SEPTIN4: variants seen among roughly 807,000 people sequenced by gnomAD.
SEPTIN4 encodes septin-4.
In SEPTIN4, 52 loss-of-function variants were observed where a neutral mutation model predicts 107.1. That is an observed-to-expected ratio of 0.49 (90% CI 0.39 to 0.61). SEPTIN4 has a LOEUF of 0.61. Among genes scored for constraint, SEPTIN4 ranks in the 20% least tolerant of loss-of-function variants. The probability of loss-of-function intolerance (pLI) is 0.00; values close to 1 mark genes in which losing one functional copy is unlikely to be tolerated. For synonymous variants in SEPTIN4, 417 were observed against 467.0 expected (o/e 0.89, Z 1.38); for missense variants, 1,048 against 1,243.5 (o/e 0.84, Z 2.36).
intron 3 of SEPTIN4, chr17:58,532,247 C>A: frequency 3.2e-6 from 1 of 314,432 alleles, no homozygotes; most frequent in East Asian, 1.2e-4. Flanking sequence ...TCACCCAGGA[C>A]AGAGCGGGGA....
At position 58,526,317 on chromosome 17, in the gene SEPTIN4, G is replaced by A; in HGVS notation, c.1912-4C>T. On this transcript the variant is annotated splice_region_variant and splice_polypyrimidine_tract_variant and intron_variant, in intron 4 of 13. Coordinates refer to ENST00000672673, the MANE Select transcript of SEPTIN4 (RefSeq NM_001368771.2). ...AGCCCACATACTCCTTGTCATCCTAGTAGACAGGAAGGCAGAATGCATCAC... is the reference window on the plus strand; with the variant it reads ...AGCCCACATACTCCTTGTCATCCTAATAGACAGGAAGGCAGAATGCATCAC... 6.4e-7 allele frequency: 1 copy of A among 1,568,544 alleles called. No individual in the cohort carries two copies. The highest frequency in any genetic ancestry group is 8.6e-7 in the Non-Finnish European group (1 of 1,158,244).
Position 58,544,035 on chromosome 17 carries a change from C to T in SEPTIN4, c.152G>A (p.Arg51Gln), listed in dbSNP as rs775014932. The T allele has an allele frequency of 6.8e-6, 11 of 1,613,866 alleles. No homozygotes were observed. The highest frequency in any genetic ancestry group is 1.1e-5 in the South Asian group (1 of 91,066). Residue 51 changes from arginine to glutamine, a missense_variant, in exon 1 of 14, where the codon CGA becomes CAA. By Grantham distance (43) the Arg-to-Gln change is conservative. This residue lies in a region of SEPTIN4 where 787 missense variants were observed against 871.8 expected (regional missense o/e 0.90). Transcript: ENST00000672673. The part of the protein sequence containing the change: ...SAAVSLNPSH[R>Q]RSEAAHPTTP... Reference sequence around the variant, plus strand: ...GGTGGGATGTGCAGCTTCTGATCTTCGGTGGGAAGGGTTCAGGGAGACTGC... The same window carrying T: ...GGTGGGATGTGCAGCTTCTGATCTTTGGTGGGAAGGGTTCAGGGAGACTGC...
chr17:58,542,164 C>T (rs565236493), intron 1 of SEPTIN4, among the ~76,000 whole-genome samples, 198 bp from the exon 2 acceptor site: 1 of 152,254 alleles, frequency 6.6e-6, no homozygotes, highest in African/African-American at 2.4e-5. Flanking sequence ...TTTACACCCT[C>T]TCTCTGTGCC....
rs116789103 is a variant in SEPTIN4, at chr17:58,523,918, T to C, written c.2216+1160A>G. Among the ~76,000 whole-genome samples the C allele has an allele frequency of 9.6e-3, 1,468 of 152,230 alleles. 25 individuals are homozygous for C. The highest frequency in any genetic ancestry group is 0.033 in the African/African-American group (1,356 of 41,524). On this transcript the variant is annotated intron_variant, in intron 7 of 13. Coordinates refer to ENST00000672673, the MANE Select transcript of SEPTIN4 (RefSeq NM_001368771.2). The stretch of plus-strand genomic sequence containing the variant: ...TAAGGGCTGGTATATTTTAATTAAA[T>C]AAGTGTCTGACAAAATGAATATATA...
chr17:58,527,223 C>A, intron 3 of SEPTIN4: 6 of 742,874 alleles, frequency 8.1e-6, no homozygotes, highest in Admixed American at 5.5e-5. Context: ...GCCCTGGGCA[C>A]CCCCAGAGCC....
chr17:58,520,914 G>T, intron 12 of SEPTIN4, 72 bp from the exon 13 acceptor site: 1 of 1,612,262 alleles, frequency 6.2e-7, no homozygotes, highest in Non-Finnish European at 8.5e-7. Flanking sequence ...AGGGCCTATA[G>T]AAGAACAAAA....
At position 58,521,715 on chromosome 17, in the gene SEPTIN4, CCCACCA is replaced by C. The variant is rs1567950109; in HGVS notation, c.2469+15_2469+20del. Reference sequence around the variant, plus strand: ...TTTCTAGAAGCCCACCTGATCCCCTCCCACCACCAGCTTCCCTCACTTTGCGTTTCT... The same window carrying C: ...TTTCTAGAAGCCCACCTGATCCCCTCCCAGCTTCCCTCACTTTGCGTTTCT... On this transcript the variant is annotated intron_variant, in intron 9 of 13. Transcript: ENST00000672673. The surrounding 1 kb of genome is among the most constrained non-coding windows in gnomAD (Gnocchi z 6.4). The C allele has an allele frequency of 3.1e-6, 5 of 1,614,140 alleles. No homozygotes were observed. In the Admixed American group the frequency reaches 6.7e-5, roughly 22 times the overall value.
In SEPTIN4 at chr17:58,543,256, C is replaced by T; in HGVS notation, c.931G>A (p.Val311Ile). Residue 311 changes from valine to isoleucine, a missense_variant, in exon 1 of 14, where the codon GTC (valine) becomes ATC (isoleucine). By Grantham distance (29) the Val-to-Ile change is conservative. This residue lies in a region of SEPTIN4 where 787 missense variants were observed against 871.8 expected (regional missense o/e 0.90). Transcript: ENST00000672673. Reference protein sequence around the residue: ...AYPETKPSAKVLVSSQVESNV... With the variant: ...AYPETKPSAKILVSSQVESNV... ...GACTCCACCTGTGATGATACTAAGA[C>T]CTTTGCGGAGGGCTTGGTTTCAGGA... The T allele has an allele frequency of 6.2e-7, 1 of 1,614,096 alleles. No individual in the cohort carries two copies. Among genetic ancestry groups the T allele is most frequent in the Non-Finnish European group, 8.5e-7 (1 of 1,180,030 alleles).
At chr17:58,526,573 AAC>A (rs3034932) in intron 4 of SEPTIN4, 107 bp downstream of exon 4, 137,764 of 1,223,370 alleles carry the variant, frequency 0.11, 27 homozygotes, top group Non-Finnish European at 0.12. Context: ...CACACACACA[AAC>A]ACACACACAC....
At position 58,526,841 on chromosome 17, in the gene SEPTIN4, G is replaced by A. The variant is rs2042959519; in HGVS notation, c.1752C>T (p.Pro584=). 6.2e-7 allele frequency: 1 copy of A among 1,613,714 alleles called. No individual in the cohort carries two copies. The highest frequency in any genetic ancestry group is 8.5e-7 in the Non-Finnish European group (1 of 1,179,906). ...ASRPQVPEPR[P]QAPDLYDDDL... The stretch of plus-strand genomic sequence containing the variant: ...CATCATCATAGAGGTCCGGGGCCTG[G>A]GGCCTTGGCTCCGGGACTTGGGGCC... The change falls in exon 4 of 14, where the codon CCC becomes CCT. Residue 584 remains proline, a synonymous_variant. Coordinates refer to ENST00000672673, the MANE Select transcript of SEPTIN4 (RefSeq NM_001368771.2).
chr17:58,540,559 C>A, intron 3 of SEPTIN4, 107 bp downstream of exon 3: 1 of 855,278 alleles, frequency 1.2e-6, no homozygotes, highest in Non-Finnish European at 1.6e-6. Context: ...CCATAGGGAG[C>A]AGCTCTGTCT....
chr17:58,521,928 G>A lies in SEPTIN4; in HGVS notation c.2351+39C>T. Reference sequence around the variant, plus strand: ...GTGCTCTTGGCCTGTTCCCTTGACAGCACCCGGTGGTGCCAGGAGCCTCAG... The same window carrying A: ...GTGCTCTTGGCCTGTTCCCTTGACAACACCCGGTGGTGCCAGGAGCCTCAG... On this transcript the variant is annotated intron_variant, in intron 8 of 13. Transcript: ENST00000672673. This position sits in a 1 kb window ranked among gnomAD's most constrained non-coding sequence, Gnocchi z 6.4. 1.2e-6 allele frequency: 2 copies of A among 1,614,262 alleles called. No individual in the cohort carries two copies. The highest frequency in any genetic ancestry group is 1.7e-6 in the Non-Finnish European group (2 of 1,180,042).
intron 5 of SEPTIN4, 151 bp downstream of exon 5, chr17:58,526,068 CT>C (rs2042830745): frequency 2.0e-6 from 1 of 505,130 alleles, no homozygotes; most frequent in Non-Finnish European, 3.0e-6. Context: ...TACATACACT[CT>C]CACAGGCCAA....
At chr17:58,529,130 G>T (rs1412993744) in intron 3 of SEPTIN4, 1 of 1,614,198 alleles carries the variant, frequency 6.2e-7, no homozygotes, top group East Asian at 2.2e-5. Flanking sequence ...CTTCAGTCCT[G>T]TCCTCAGGGA....
chr17:58,542,518 G>A, intron 1 of SEPTIN4, 108 bp downstream of exon 1: 1 of 1,428,396 alleles, frequency 7.0e-7, no homozygotes, highest in Non-Finnish European at 9.4e-7. Flanking sequence ...GGCACTGGCA[G>A]GAGAGCAGCC....
At chr17:58,539,361 T>C (rs1014155172) in intron 3 of SEPTIN4, 23 of 526,892 alleles carry the variant, frequency 4.4e-5, no homozygotes, top group East Asian at 3.2e-5. Context: ...AAACATCAAA[T>C]CTTGACTGAA....
chr17:58,541,077 G>A (rs1170837823), intron 2 of SEPTIN4, among the ~76,000 whole-genome samples: 1 of 152,134 alleles, frequency 6.6e-6, no homozygotes, highest in Non-Finnish European at 1.5e-5. Flanking sequence ...CTACTTTATA[G>A]AGCTTTGCTC....
intron 7 of SEPTIN4, among the ~76,000 whole-genome samples, chr17:58,524,184 C>T (rs532268875): frequency 2.0e-5 from 3 of 152,342 alleles, no homozygotes; most frequent in African/African-American, 7.2e-5. Context: ...CATCTACTCA[C>T]TTAGGTCTGA....
At chr17:58,530,399 G>A (rs977893001) in intron 3 of SEPTIN4, 1 of 152,272 alleles carries the variant, frequency 6.6e-6, no homozygotes, top group East Asian at 1.9e-4. Flanking sequence ...GGTTGGGGGG[G>A]TCTCCCCCAC....
Sources: gnomAD v4.1 joint callset for allele counts (sites outside exome capture counted in the v4.1 genomes callset) on GRCh38, gnomAD v4.1.1 for gene constraint, gnomAD v4.1.1 regional missense constraint, Gnocchi (gnomAD v3.1) non-coding constraint, MANE v1.5 for transcripts, NCBI Gene and HGNC (gene_info 2026-07-23, HGNC 2026-07-21) for gene names.